NXN: variants seen among roughly 807,000 people sequenced by gnomAD.
NXN encodes nucleoredoxin.
NXN carries 16 observed loss-of-function variants against 48.6 expected under a neutral mutation model. The ratio of observed to expected loss-of-function variants is 0.33; its 90% CI spans 0.22 to 0.50. The LOEUF is 0.50. Among genes scored for constraint, NXN ranks in the 20% least tolerant of loss-of-function variants. The probability of loss-of-function intolerance (pLI) is 0.98; values close to 1 mark genes in which losing one functional copy is unlikely to be tolerated. For missense variants in NXN, 492 were observed against 605.5 expected, an observed-to-expected ratio of 0.81 and a Z score of 1.97; for synonymous variants, 281 against 269.6, an observed-to-expected ratio of 1.04 and a Z score of -0.41.
At chr17:900,241 G>A (rs1277499035) in intron 1 of NXN, among the ~76,000 whole-genome samples, 1 of 151,472 alleles carries the variant, frequency 6.6e-6, no homozygotes, top group Non-Finnish European at 1.5e-5. Context: ...ACTCCAGCCT[G>A]GGCAACAAGA....
chr17:805,167 C>T lies in NXN; in HGVS notation c.901G>A (p.Asp301Asn). 1.2e-6 allele frequency: 2 copies of T among 1,610,398 alleles called. No individual in the cohort carries two copies. Residue 301 changes from aspartate to asparagine, a missense_variant, in exon 6 of 8, where the codon GAC becomes AAC. Asp to Asn is a conservative substitution (Grantham distance 23). Coordinates refer to ENST00000336868, the MANE Select transcript of NXN (RefSeq NM_022463.5). ...GGGTGCCAGGGGAACTCCCGGCAGT[C>T]CTCGTCGTTCAGCACCTCCACCCGC... ...QGRVEVLNDE[D>N]CREFPWHPKP...
At chr17:903,083 T>C (rs1452508576) in intron 1 of NXN, among the ~76,000 whole-genome samples, 1 of 152,104 alleles carries the variant, frequency 6.6e-6, no homozygotes, top group Non-Finnish European at 1.5e-5. Flanking sequence ...CCTCCCATCA[T>C]TTCATCGACC....
chr17:820,046 GAGAC>G (rs1248705564), intron 4 of NXN, among the ~76,000 whole-genome samples: 2 of 152,184 alleles, frequency 1.3e-5, no homozygotes, highest in African/African-American at 4.8e-5. Context: ...TTTATAGGTA[GAGAC>G]AGACCCATGT....
At chr17:880,749 G>A (rs1351980823) in intron 1 of NXN, among the ~76,000 whole-genome samples, 2 of 152,182 alleles carry the variant, frequency 1.3e-5, no homozygotes, top group Non-Finnish European at 2.9e-5. Flanking sequence ...CAGGGCTGGA[G>A]ATCTGTCAAA....
chr17:819,597 C>T (rs765605943), intron 4 of NXN, 52 bp from the exon 5 acceptor site: 16 of 1,274,244 alleles, frequency 1.3e-5, no homozygotes, highest in Middle Eastern at 1.9e-4. Flanking sequence ...ACTGCACCAA[C>T]GCTGAATCCT....
In NXN at chr17:958,284, A is replaced by C. The variant is rs1293356880; in HGVS notation, c.360+21035T>G. 2.0e-5 allele frequency among the ~76,000 whole-genome samples: 3 copies of C among 152,132 alleles called. No individual in the cohort carries two copies. The South Asian group carries it at 6.2e-4, about 32-fold the overall frequency. On this transcript the variant is annotated intron_variant, in intron 1 of 7. Coordinates refer to ENST00000336868, the MANE Select transcript of NXN (RefSeq NM_022463.5). This position sits in a 1 kb window ranked among gnomAD's most constrained non-coding sequence, Gnocchi z 6.9. ...GCCCAACAAGACATGACGGTGAGCA[A>C]GGTTACTCATCTTCCGAAAATGCTA...
chr17:813,143 T>C (rs369472244), intron 5 of NXN, among the ~76,000 whole-genome samples: 7 of 152,378 alleles, frequency 4.6e-5, no homozygotes, highest in East Asian at 1.9e-4. Context: ...TATTCAGAAT[T>C]CAATCAAAAA....
intron 1 of NXN, among the ~76,000 whole-genome samples, chr17:931,549 A>T (rs8078912): frequency 6.6e-6 from 1 of 152,176 alleles, no homozygotes; most frequent in East Asian, 1.9e-4. Context: ...TTTTAAAAAA[A>T]TTTTTGGCCG....
chr17:901,859 C>T (rs2144899746), intron 1 of NXN, among the ~76,000 whole-genome samples: 1 of 152,236 alleles, frequency 6.6e-6, no homozygotes, highest in South Asian at 2.1e-4. Context: ...ACCATCATGC[C>T]CAGCTAATTT....
At chr17:925,756 C>A (rs573109539) in intron 1 of NXN, among the ~76,000 whole-genome samples, 1 of 152,198 alleles carries the variant, frequency 6.6e-6, no homozygotes. Context: ...ATTCAACTTT[C>A]TCTAAAACCA....
At chr17:913,470 C>G (rs1227553787) in intron 1 of NXN, among the ~76,000 whole-genome samples, 1 of 152,236 alleles carries the variant, frequency 6.6e-6, no homozygotes, top group East Asian at 1.9e-4. Context: ...CCCCTGCCCA[C>G]AGCAGAGACT....
chr17:799,561 C>G lies in NXN; in HGVS notation c.*1388G>C, dbSNP rs1051207320. On this transcript the variant is annotated 3_prime_UTR_variant, in exon 8 of 8. Transcript: ENST00000336868. ...TGGCTGGCAGAGTGCTGAGTGGGGC[C>G]TGAGTGAATGAGGCTAAAACGCTTG... 1 of 152,268 alleles carries G rather than the reference C, an allele frequency of 6.6e-6. No homozygotes were observed. Among genetic ancestry groups the G allele is most frequent in the African/African-American group, 2.4e-5 (1 of 41,452 alleles). The allele number at this position is 152,268 out of a possible 1,614,324, so 9.4% of individuals were successfully genotyped here.
chr17:833,675 G>A (rs1367258197), intron 1 of NXN, among the ~76,000 whole-genome samples: 1 of 151,946 alleles, frequency 6.6e-6, no homozygotes, highest in African/African-American at 2.4e-5. Flanking sequence ...AAATCCCCCT[G>A]AAGCCTGTTA....
At chr17:929,094 G>A (rs1477682850) in intron 1 of NXN, among the ~76,000 whole-genome samples, 1 of 152,216 alleles carries the variant, frequency 6.6e-6, no homozygotes, top group Non-Finnish European at 1.5e-5. Context: ...CTAACAGCAT[G>A]TAAAACTTAA....
chr17:955,193 A>T lies in NXN; in HGVS notation c.360+24126T>A, dbSNP rs1460506750. Among the ~76,000 whole-genome samples, 4 of 139,622 alleles carry T rather than the reference A, an allele frequency of 2.9e-5. No homozygotes were observed. The Admixed American group carries it at 2.9e-4, about 10-fold the overall frequency. The allele number at this position is 139,622 out of a possible 152,430, so 91.6% of individuals were successfully genotyped here. Reference sequence around the variant, plus strand: ...TTTTTTTTTTTTTTTCCTGAGACAGAGTCTCGCTCTGTCACCCAGGCTGGA... The same window carrying T: ...TTTTTTTTTTTTTTTCCTGAGACAGTGTCTCGCTCTGTCACCCAGGCTGGA... On this transcript the variant is annotated intron_variant, in intron 1 of 7. Coordinates refer to ENST00000336868, the MANE Select transcript of NXN (RefSeq NM_022463.5).
Position 965,798 on chromosome 17 carries a change from C to T in NXN, c.360+13521G>A, listed in dbSNP as rs533483180. Among the ~76,000 whole-genome samples the T allele has an allele frequency of 6.6e-5, 10 of 152,194 alleles. No homozygotes were observed. In the South Asian group the frequency reaches 8.3e-4, roughly 13 times the overall value. ...ACATCAGCCTGTAGTCCCAGCTACTCGGGAGGCCGAGGCAGGAGAATGGTG... is the reference window on the plus strand; with the variant it reads ...ACATCAGCCTGTAGTCCCAGCTACTTGGGAGGCCGAGGCAGGAGAATGGTG... On this transcript the variant is annotated intron_variant, in intron 1 of 7. Transcript: ENST00000336868.
intron 5 of NXN, among the ~76,000 whole-genome samples, chr17:812,942 ATG>A (rs532988680): frequency 1.4e-4 from 20 of 145,412 alleles, no homozygotes; most frequent in South Asian, 2.2e-4. Context: ...GAGTGTGCAT[ATG>A]TGTGAGTGTA....
At chr17:848,148 T>G (rs1186903266) in intron 1 of NXN, among the ~76,000 whole-genome samples, 1 of 152,050 alleles carries the variant, frequency 6.6e-6, no homozygotes, top group African/African-American at 2.4e-5. Context: ...CTGTTTTGTT[T>G]TTTTTTTGAG....
At chr17:893,619 ATG>A (rs1567852131) in intron 1 of NXN, among the ~76,000 whole-genome samples, 26 of 136,368 alleles carry the variant, frequency 1.9e-4, no homozygotes, top group South Asian at 2.6e-4. Context: ...AAGCATCTCA[ATG>A]CCCTGGAAGC....
Sources: allele counts gnomAD v4.1 joint callset (sites outside exome capture counted in the v4.1 genomes callset), GRCh38; gene constraint gnomAD v4.1.1; non-coding constraint Gnocchi (gnomAD v3.1); transcripts MANE v1.5; gene names NCBI Gene and HGNC (gene_info 2026-07-23, HGNC 2026-07-21).